FBLN2: variants seen among roughly 807,000 people sequenced by gnomAD.
FBLN2 encodes the protein fibulin-2.
FBLN2 carries 81 observed loss-of-function variants against 123.7 expected under a neutral mutation model. The ratio of observed to expected loss-of-function variants is 0.65; its 90% confidence interval spans 0.55 to 0.79. The LOEUF (loss-of-function observed/expected upper bound fraction) is 0.79. Among genes scored for constraint, FBLN2 ranks in the 30% least tolerant of loss-of-function variants. FBLN2 has a pLI of 0.00. For synonymous variants in FBLN2, 699 were observed against 701.4 expected (o/e 1.00, Z 0.05); for missense variants, 1,603 against 1,681.3 (o/e 0.95, Z 0.81).
At chr3:13,564,885 T>C (rs1437224499) in intron 1 of FBLN2, among the ~76,000 whole-genome samples, 1 of 152,226 alleles carries the variant, frequency 6.6e-6, no homozygotes, top group Non-Finnish European at 1.5e-5. Context: ...TTTGTTTTTG[T>C]GGTAGGTTGG....
At chr3:13,603,842 CA>C (rs1471000886) in intron 2 of FBLN2, among the ~76,000 whole-genome samples, 1 of 152,262 alleles carries the variant, frequency 6.6e-6, no homozygotes, top group African/African-American at 2.4e-5. Flanking sequence ...AACTAGTTTA[CA>C]GTCCCACCAA....
chr3:13,602,447 G>A (rs1156913052), intron 2 of FBLN2, among the ~76,000 whole-genome samples: 2 of 152,110 alleles, frequency 1.3e-5, no homozygotes, highest in Non-Finnish European at 2.9e-5. Flanking sequence ...GAATTAACAC[G>A]ACAAATTCTG....
chr3:13,561,752 C>T (rs1423803766), intron 1 of FBLN2, among the ~76,000 whole-genome samples: 2 of 152,216 alleles, frequency 1.3e-5, no homozygotes, highest in Non-Finnish European at 2.9e-5. Context: ...TTTCTTTCAT[C>T]TTGTTCGCTG....
intron 2 of FBLN2, among the ~76,000 whole-genome samples, chr3:13,593,785 G>A (rs1233748464): frequency 2.0e-5 from 3 of 151,432 alleles, no homozygotes; most frequent in Non-Finnish European, 2.9e-5. Context: ...TTAAGTGGGT[G>A]ACATATTCAG....
At chr3:13,579,452 A>G (rs575034927) in intron 2 of FBLN2, among the ~76,000 whole-genome samples, 44 of 152,262 alleles carry the variant, frequency 2.9e-4, no homozygotes, top group African/African-American at 1.0e-3. Context: ...GGTCTTGGAG[A>G]CCCTATAGGG....
At chr3:13,622,582 G>C (rs765325952) in intron 9 of FBLN2, among the ~76,000 whole-genome samples, 1 of 152,196 alleles carries the variant, frequency 6.6e-6, no homozygotes, top group Admixed American at 6.5e-5. Context: ...CCCTCTGACC[G>C]TGGGGCCAGA....
At position 13,570,309 on chromosome 3, in the gene FBLN2, C is replaced by G. The variant is rs756773219; in HGVS notation, c.-41-6C>G. 15 of 1,474,496 alleles carry G rather than the reference C, an allele frequency of 1.0e-5. No homozygotes were observed. The highest frequency in any genetic ancestry group is 1.4e-5 in the Non-Finnish European group (15 of 1,109,282). 91.3% of individuals were successfully genotyped at this position (1,474,496 alleles called of 1,614,324 possible). On this transcript the variant is annotated splice_polypyrimidine_tract_variant and splice_region_variant and intron_variant, in intron 1 of 17. Transcript: ENST00000404922. ...TACTGACAGGCTTCCTTTCTGATTC[C>G]CCCAGGGTCTTACAGGAGAGGGGAC...
At chr3:13,562,641 C>T (rs942760877) in intron 1 of FBLN2, among the ~76,000 whole-genome samples, 13 of 152,176 alleles carry the variant, frequency 8.5e-5, no homozygotes, top group African/African-American at 1.2e-4. Flanking sequence ...AGGCCGCGCC[C>T]GGCTGCGATT....
At chr3:13,606,943 G>A (rs140304438) in intron 2 of FBLN2, among the ~76,000 whole-genome samples, 85 of 152,124 alleles carry the variant, frequency 5.6e-4, no homozygotes, top group African/African-American at 1.8e-3. Flanking sequence ...ATGAGCCACC[G>A]TGCCCGGCTG....
At chr3:13,636,235 G>T (rs1706461005) in intron 16 of FBLN2, among the ~76,000 whole-genome samples, 1 of 152,214 alleles carries the variant, frequency 6.6e-6, no homozygotes, top group Admixed American at 6.5e-5. Context: ...CCTTGGGAGG[G>T]CATGACATGA....
At chr3:13,610,459 A>T (rs1449149459) in intron 4 of FBLN2, among the ~76,000 whole-genome samples, 1 of 152,132 alleles carries the variant, frequency 6.6e-6, no homozygotes, top group African/African-American at 2.4e-5. Context: ...GAACAGTGTG[A>T]ACTAACACAC....
At chr3:13,598,921 C>T (rs1191038813) in intron 2 of FBLN2, among the ~76,000 whole-genome samples, 1 of 152,148 alleles carries the variant, frequency 6.6e-6, no homozygotes, top group African/African-American at 2.4e-5. Flanking sequence ...TGGACTGGCT[C>T]ATGAGGGATG....
intron 2 of FBLN2, among the ~76,000 whole-genome samples, chr3:13,585,177 G>A (rs1452179702): frequency 6.6e-6 from 1 of 152,172 alleles, no homozygotes; most frequent in East Asian, 1.9e-4. Flanking sequence ...GGAGCTCTCT[G>A]GCTTCCTGGC....
intron 1 of FBLN2, among the ~76,000 whole-genome samples, chr3:13,561,759 G>A (rs911190412): frequency 1.3e-5 from 2 of 152,096 alleles, no homozygotes; most frequent in Non-Finnish European, 2.9e-5. Flanking sequence ...CATCTTGTTC[G>A]CTGCCATATC....
intron 9 of FBLN2, among the ~76,000 whole-genome samples, chr3:13,623,984 A>G (rs937846329): frequency 6.6e-6 from 1 of 151,924 alleles, no homozygotes; most frequent in Non-Finnish European, 1.5e-5. Context: ...TGTGCCAAGG[A>G]CTCCCCTGTG....
In FBLN2 at chr3:13,615,286, G is replaced by T. The variant is rs1705559024; in HGVS notation, c.1729+1122G>T. 2.0e-5 allele frequency among the ~76,000 whole-genome samples: 3 copies of T among 152,222 alleles called. No homozygotes were observed. In the South Asian group the frequency reaches 6.2e-4, roughly 32 times the overall value. On this transcript the variant is annotated intron_variant, in intron 5 of 17. Coordinates refer to ENST00000404922, the MANE Select transcript of FBLN2 (RefSeq NM_001004019.2). ...AGAGTCCTGGCAGGCCTGCTTTGTT[G>T]GTGTCCACATGTTCAGCCTCAACTG...
chr3:13,628,739 A>G (rs1450677649), intron 11 of FBLN2, among the ~76,000 whole-genome samples, 166 bp from the exon 12 acceptor site: 1 of 151,950 alleles, frequency 6.6e-6, no homozygotes, highest in Non-Finnish European at 1.5e-5. Context: ...TGGGAGGTGT[A>G]TCCCTTGGGT....
intron 2 of FBLN2, among the ~76,000 whole-genome samples, chr3:13,596,872 AT>A (rs1362684275): frequency 6.6e-6 from 1 of 151,674 alleles, no homozygotes; most frequent in Admixed American, 6.5e-5. Context: ...TATTATTTAA[AT>A]TTAAAAAATA....
chr3:13,609,689 C>CGCCG, intron 4 of FBLN2, 47 bp downstream of exon 4: 6 of 428,808 alleles, frequency 1.4e-5, no homozygotes, highest in Non-Finnish European at 2.3e-5. Flanking sequence ...TGGGGCGGGG[C>CGCCG]GGGAGGCTGG....
Sources: allele counts gnomAD v4.1 joint callset (sites outside exome capture counted in the v4.1 genomes callset), GRCh38; gene constraint gnomAD v4.1.1; transcripts MANE v1.5; gene names NCBI Gene and HGNC (gene_info 2026-07-23, HGNC 2026-07-21).